The following PRKN variants were observed in gnomAD, a reference collection of about 807,000 sequenced individuals.
PRKN encodes E3 ubiquitin-protein ligase parkin.
In PRKN, 56 loss-of-function variants were observed where a neutral mutation model predicts 59.5. The observed-to-expected ratio is 0.94, with a 90% confidence interval of 0.76 to 1.18. The LOEUF (loss-of-function observed/expected upper bound fraction) is 1.18. PRKN is among the 50% of genes most tolerant of loss of function. The pLI, the probability that PRKN is intolerant of heterozygous loss-of-function variation, is 0.00. For missense variants in PRKN, 657 were observed against 596.4 expected (o/e 1.10, Z -1.06); for synonymous variants, 250 against 222.1 (o/e 1.13, Z -1.12).
At position 162,451,207 on chromosome 6, in the gene PRKN, G is replaced by A. The variant is rs187807320; in HGVS notation, c.8-7734C>T. On this transcript the variant is annotated intron_variant, in intron 1 of 11. Transcript: ENST00000366898. ...CAGTAATTACGTTTATAATGTCTGC[G>A]ATATAATTTTAAAAGTATCTAACAT... 2.9e-4 allele frequency among the ~76,000 whole-genome samples: 44 copies of A among 151,912 alleles called. No homozygotes were observed. In the East Asian group the frequency reaches 4.6e-3, roughly 16 times the overall value.
chr6:162,020,701 T>A (rs574279825), intron 5 of PRKN, among the ~76,000 whole-genome samples: 1 of 152,248 alleles, frequency 6.6e-6, no homozygotes, highest in Non-Finnish European at 1.5e-5. Flanking sequence ...ATTCAGAAAT[T>A]GATTTTTTTC....
chr6:161,443,090 C>T (rs1789318683), intron 9 of PRKN, among the ~76,000 whole-genome samples: 1 of 152,030 alleles, frequency 6.6e-6, no homozygotes, highest in South Asian at 2.1e-4. Context: ...GGTGGATCAC[C>T]TGAGGTCGGG....
chr6:161,574,743 T>C (rs1781066950), intron 7 of PRKN, among the ~76,000 whole-genome samples: 1 of 152,208 alleles, frequency 6.6e-6, no homozygotes, highest in African/African-American at 2.4e-5. Context: ...AAAATATTTG[T>C]ATATGCCATA....
rs534062799 is a variant in PRKN at position 161,444,819 on chromosome 6, A to G, written c.1084-57942T>C. Among the ~76,000 whole-genome samples, 12 of 152,332 alleles carry G rather than the reference A, an allele frequency of 7.9e-5. No homozygotes were observed. In the South Asian group the frequency reaches 2.5e-3, roughly 32 times the overall value. On this transcript the variant is annotated intron_variant, in intron 9 of 11. Coordinates refer to ENST00000366898, the MANE Select transcript of PRKN (RefSeq NM_004562.3). This position sits in a 1 kb window ranked among gnomAD's most constrained non-coding sequence, Gnocchi z 5.6. ...TTTGCATTTCAAATGCTTTGAAAAA[A>G]GCCTTCCCGTGGTTTTGGCCAGAGG...
chr6:162,260,581 T>C (rs938739710), intron 3 of PRKN, among the ~76,000 whole-genome samples: 3 of 152,126 alleles, frequency 2.0e-5, no homozygotes, highest in African/African-American at 7.2e-5. Flanking sequence ...AAGTTCATTC[T>C]CATAAAAGAA....
At chr6:162,565,088 T>C (rs1445076400) in intron 1 of PRKN, among the ~76,000 whole-genome samples, 3 of 149,340 alleles carry the variant, frequency 2.0e-5, no homozygotes, top group African/African-American at 7.5e-5. Context: ...AAGATATAAA[T>C]AGACACAATA....
intron 6 of PRKN, among the ~76,000 whole-genome samples, chr6:161,839,512 G>A (rs979622719): frequency 1.3e-5 from 2 of 152,106 alleles, no homozygotes; most frequent in Admixed American, 6.5e-5. Context: ...GCCCAGGAAA[G>A]TTCTGGCCCA....
chr6:161,898,032 A>ACATCTTCTTG (rs1209461045), intron 6 of PRKN, among the ~76,000 whole-genome samples: 1 of 151,022 alleles, frequency 6.6e-6, no homozygotes, highest in Non-Finnish European at 1.5e-5. Context: ...TACATCTTCA[A>ACATCTTCTTG]TTAAATCAAG....
chr6:162,192,081 T>G (rs1784302831), intron 4 of PRKN, among the ~76,000 whole-genome samples: 2 of 152,216 alleles, frequency 1.3e-5, no homozygotes, highest in Non-Finnish European at 2.9e-5. Context: ...TCTTTTATGC[T>G]TTGTAGGTAC....
At position 161,386,759 on chromosome 6, in the gene PRKN, G is replaced by A. The variant is rs750834152; in HGVS notation, c.1167+35C>T. ...GCTCCAGTCCCCCACTGTATCCGGA[G>A]CCCTGCTTGGAGGAATGAGTAGGGC... is the stretch of plus-strand genomic sequence containing the variant. On this transcript the variant is annotated intron_variant, in intron 10 of 11. Coordinates refer to ENST00000366898, the MANE Select transcript of PRKN (RefSeq NM_004562.3). The surrounding 1 kb of genome is among the most constrained non-coding windows in gnomAD (Gnocchi z 4.3). The A allele has an allele frequency of 9.3e-6, 14 of 1,504,528 alleles. No homozygotes were observed. In the South Asian group the frequency reaches 1.5e-4, roughly 16 times the overall value. 93.2% of individuals were successfully genotyped at this position (1,504,528 alleles called of 1,614,324 possible).
chr6:161,955,137 C>G (rs1402031195), intron 6 of PRKN, among the ~76,000 whole-genome samples: 1 of 152,176 alleles, frequency 6.6e-6, no homozygotes, highest in African/African-American at 2.4e-5. Context: ...CCACCTAGAG[C>G]AGGCTTTCCT....
intron 2 of PRKN, among the ~76,000 whole-genome samples, chr6:162,404,766 G>A (rs1385663393): frequency 2.0e-5 from 3 of 152,110 alleles, no homozygotes; most frequent in Non-Finnish European, 2.9e-5. Context: ...TGGGCAGGCT[G>A]GTCTCGAACT....
At chr6:161,703,839 C>CTCT (rs1786363902) in intron 7 of PRKN, among the ~76,000 whole-genome samples, 8 of 59,846 alleles carry the variant, frequency 1.3e-4, no homozygotes, top group African/African-American at 3.0e-4. Flanking sequence ...CTCTCTCTCT[C>CTCT]TTTTTTTTTT....
chr6:162,590,806 G>A (rs928919669), intron 1 of PRKN, among the ~76,000 whole-genome samples: 4 of 152,166 alleles, frequency 2.6e-5, no homozygotes, highest in East Asian at 1.9e-4. Context: ...GCCATGACCC[G>A]GCACAGACGC....
chr6:162,623,623 A>G (rs530439778), intron 1 of PRKN, among the ~76,000 whole-genome samples: 1 of 152,298 alleles, frequency 6.6e-6, no homozygotes, highest in East Asian at 1.9e-4. Context: ...AGATCAAGCT[A>G]ATTTTAAAAC....
chr6:162,346,193 C>T (rs561970689), intron 2 of PRKN, among the ~76,000 whole-genome samples: 9 of 152,148 alleles, frequency 5.9e-5, no homozygotes, highest in African/African-American at 1.9e-4. Flanking sequence ...TGTTCTTTTA[C>T]TAGCCATATT....
At chr6:161,959,376 A>G (rs1410893757) in intron 6 of PRKN, among the ~76,000 whole-genome samples, 1 of 151,778 alleles carries the variant, frequency 6.6e-6, no homozygotes, top group Non-Finnish European at 1.5e-5. Context: ...ACTCACACCA[A>G]CTTCTGCCTC....
intron 6 of PRKN, among the ~76,000 whole-genome samples, chr6:161,936,930 C>T (rs898021219): frequency 2.0e-5 from 3 of 151,884 alleles, no homozygotes; most frequent in Non-Finnish European, 4.4e-5. Context: ...GGATTATGGG[C>T]GCTCACCATC....
intron 6 of PRKN, among the ~76,000 whole-genome samples, chr6:161,874,720 AATATATAAAATGTACT>A (rs1562355791): frequency 2.1e-5 from 1 of 47,336 alleles, no homozygotes; most frequent in African/African-American, 9.0e-5. Context: ...TAAAATGTAC[AATATATAAAATGTACT>A]ATATATAAAA....
Sources: allele counts gnomAD v4.1 joint callset (sites outside exome capture counted in the v4.1 genomes callset), GRCh38; gene constraint gnomAD v4.1.1; non-coding constraint Gnocchi (gnomAD v3.1); transcripts MANE v1.5; gene names NCBI Gene and HGNC (gene_info 2026-07-23, HGNC 2026-07-21).